Variants in RNF168 observed in about 807,000 individuals in gnomAD.
RNF168 encodes the protein ring finger protein 168, also known as E3 ubiquitin-protein ligase RNF168.
A neutral mutation model predicts 34.9 loss-of-function variants in RNF168; 34 were observed. The observed-to-expected ratio is 0.97, with a 90% CI of 0.74 to 1.30. The LOEUF is 1.30. Ranked by LOEUF, RNF168 falls within the 50% of genes most tolerant of loss-of-function variation. The pLI, the probability that RNF168 is intolerant of heterozygous loss-of-function variation, is 0.00. For synonymous variants in RNF168, 264 were observed against 254.7 expected (o/e 1.04, Z -0.35); for missense variants, 725 against 682.5 (o/e 1.06, Z -0.69).
Position 196,471,008 on chromosome 3 carries a change from T to C in RNF168, c.*811A>G, listed in dbSNP as rs1731985463. On this transcript the variant is annotated 3_prime_UTR_variant, in exon 6 of 6. Coordinates refer to ENST00000318037, the MANE Select transcript of RNF168 (RefSeq NM_152617.4). ...GCCTGGCCAACATGGTGAAATCCCA[T>C]CTCTACTAAAAGTACAAAAAAAAAA... 1 of 138,620 alleles carries C rather than the reference T, an allele frequency of 7.2e-6. No individual in the cohort carries two copies. Among genetic ancestry groups the C allele is most frequent in the South Asian group, 2.4e-4 (1 of 4,244 alleles). The allele number at this position is 138,620 out of a possible 1,614,324, so 8.6% of individuals were successfully genotyped here. A position where few individuals can be genotyped will look rare whatever the true frequency, so the allele number is the denominator to read the frequency against.
intron 1 of RNF168, among the ~76,000 whole-genome samples, chr3:196,490,720 G>T (rs1732571714): frequency 6.6e-6 from 1 of 152,168 alleles, no homozygotes; most frequent in African/African-American, 2.4e-5. Context: ...ATGGCCTGCA[G>T]GCCAGCAGTT....
rs1446126468 is a variant in RNF168 at position 196,471,664 on chromosome 3, T to C, written c.*155A>G. 8.9e-6 allele frequency: 6 copies of C among 675,286 alleles called. No individual in the cohort carries two copies. In the Admixed American group the frequency reaches 1.3e-4, roughly 15 times the overall value. 41.8% of individuals were successfully genotyped at this position (675,286 alleles called of 1,614,324 possible). A position where few individuals can be genotyped will look rare whatever the true frequency, so the allele number is the denominator to read the frequency against. ...CCGCTGAGCTGTGCAGAAGCTCATG[T>C]GTCTATGCAGTCCTTACAATCACAC... On this transcript the variant is annotated 3_prime_UTR_variant, in exon 6 of 6. Coordinates refer to ENST00000318037, the MANE Select transcript of RNF168 (RefSeq NM_152617.4).
intron 1 of RNF168, among the ~76,000 whole-genome samples, chr3:196,495,231 T>C (rs1402191755): frequency 1.3e-5 from 2 of 152,124 alleles, no homozygotes; most frequent in African/African-American, 4.8e-5. Flanking sequence ...ATCATAACCC[T>C]TCACCAAATC....
chr3:196,487,446 G>T lies in RNF168; in HGVS notation c.511C>A (p.Gln171Lys). The change falls in exon 3 of 6, where the codon CAA becomes AAA. Residue 171 changes from glutamine to lysine, a missense_variant. Gln to Lys is a moderately conservative substitution (Grantham distance 53). Transcript: ENST00000318037. Reference sequence around the variant, plus strand: ...GCCAGTTCCTCATCACTTTTCAGTTGTTCTTCCATCGCTCTTCGCCTTTTT... The same window carrying T: ...GCCAGTTCCTCATCACTTTTCAGTTTTTCTTCCATCGCTCTTCGCCTTTTT... ...AEKRRRAMEE[Q>K]LKSDEELARK... The T allele has an allele frequency of 6.2e-7, 1 of 1,614,156 alleles. No individual in the cohort carries two copies.
intron 1 of RNF168, among the ~76,000 whole-genome samples, chr3:196,491,055 C>A (rs1732582991): frequency 6.6e-6 from 1 of 152,210 alleles, no homozygotes; most frequent in Admixed American, 6.5e-5. Flanking sequence ...TGGCTCACGC[C>A]TGTAATCCCA....
At chr3:196,487,375 T>C (rs1217038249) in intron 3 of RNF168, 24 bp downstream of exon 3, 3 of 1,600,024 alleles carry the variant, frequency 1.9e-6, no homozygotes, top group Non-Finnish European at 2.6e-6. Context: ...TGACCATACC[T>C]TAGCGTTCCC....
intron 1 of RNF168, among the ~76,000 whole-genome samples, chr3:196,502,285 G>A (rs1432721783): frequency 6.6e-6 from 1 of 151,942 alleles, no homozygotes; most frequent in Non-Finnish European, 1.5e-5. Context: ...GAATGGAGAT[G>A]TATAGATAAG....
At chr3:196,483,005 T>C (rs1332181395) in intron 4 of RNF168, among the ~76,000 whole-genome samples, 1 of 152,172 alleles carries the variant, frequency 6.6e-6, no homozygotes, top group East Asian at 1.9e-4. Context: ...TTAAACAGCA[T>C]ATTGTATCAA....
rs533409778 is a variant in RNF168, at chr3:196,472,061, T to C, written c.1474A>G (p.Lys492Glu). Residue 492 changes from lysine (K) to glutamate (E), a missense_variant, in exon 6 of 6, where the codon AAG becomes GAG. Coordinates refer to ENST00000318037, the MANE Select transcript of RNF168 (RefSeq NM_152617.4). ...TTGAAGTTCCCATCTTTGGGATTCTTCCTCTGTCCATTTAGCACTTTGTCT... is the reference window on the plus strand; with the variant it reads ...TTGAAGTTCCCATCTTTGGGATTCTCCCTCTGTCCATTTAGCACTTTGTCT... ...PPDKVLNGQR[K>E]NPKDGNFKRQ... is the part of the protein sequence containing the mutation. 1.2e-6 allele frequency: 2 copies of C among 1,613,808 alleles called. No homozygotes were observed. The highest frequency in any genetic ancestry group is 2.2e-5 in the South Asian group (2 of 91,034).
At chr3:196,500,760 G>A (rs547997995) in intron 1 of RNF168, among the ~76,000 whole-genome samples, 37 of 151,864 alleles carry the variant, frequency 2.4e-4, no homozygotes, top group Non-Finnish European at 4.3e-4. Flanking sequence ...CTCCCAGGCT[G>A]GAGTGCGGTG....
intron 4 of RNF168, among the ~76,000 whole-genome samples, chr3:196,479,216 T>C (rs1732227488): frequency 7.2e-6 from 1 of 138,002 alleles, no homozygotes. Flanking sequence ...TTTCGCCATG[T>C]TGGCCAGGCT....
chr3:196,488,191 C>G (rs1290753075), intron 2 of RNF168, among the ~76,000 whole-genome samples: 1 of 151,980 alleles, frequency 6.6e-6, no homozygotes, highest in Non-Finnish European at 1.5e-5. Context: ...TTAAAATTAT[C>G]CATATTTTGG....
At chr3:196,484,386 G>T (rs895178665) in intron 3 of RNF168, among the ~76,000 whole-genome samples, 2 of 150,984 alleles carry the variant, frequency 1.3e-5, no homozygotes, top group African/African-American at 4.9e-5. Flanking sequence ...GTGTTAGCCA[G>T]GATGGTCTCG....
chr3:196,490,213 G>A (rs1419637181), intron 1 of RNF168, among the ~76,000 whole-genome samples: 1 of 152,202 alleles, frequency 6.6e-6, no homozygotes, highest in African/African-American at 2.4e-5. Context: ...CCCTGGAGTT[G>A]AAAGATAATT....
intron 5 of RNF168, 93 bp downstream of exon 5, chr3:196,475,138 G>T: frequency 1.3e-6 from 1 of 776,652 alleles, no homozygotes. Context: ...TTAACTATAG[G>T]GGCTTTTGTT....
intron 3 of RNF168, among the ~76,000 whole-genome samples, chr3:196,484,249 C>T (rs1419860478): frequency 1.4e-5 from 2 of 148,014 alleles, no homozygotes; most frequent in Non-Finnish European, 3.0e-5. Flanking sequence ...CGGCTCACTG[C>T]AAGCTCCACC....
rs1731995826 is a variant in RNF168 at position 196,471,229 on chromosome 3, A to AAAAT, written c.*589_*590insATTT. The AAAAT allele has an allele frequency of 7.0e-6, 1 of 142,268 alleles. No homozygotes were observed. The highest frequency in any genetic ancestry group is 7.0e-5 in the Admixed American group (1 of 14,290). The allele number at this position is 142,268 out of a possible 1,614,324, so 8.8% of individuals were successfully genotyped here. A position where few individuals can be genotyped will look rare whatever the true frequency, so the allele number is the denominator to read the frequency against. ...AAAAAAAAAAAAAAAAAAAAAAAAA[A>AAAAT]TCTGGGATTTCCCACATATGAATAT... On this transcript the variant is annotated 3_prime_UTR_variant, in exon 6 of 6. Coordinates refer to ENST00000318037, the MANE Select transcript of RNF168 (RefSeq NM_152617.4).
At position 196,469,222 on chromosome 3, in the gene RNF168, GAGA is replaced by G. The variant is rs1358227603; in HGVS notation, c.*2594_*2596del. 1.3e-5 allele frequency: 2 copies of G among 152,170 alleles called. No individual in the cohort carries two copies. Among genetic ancestry groups the G allele is most frequent in the Admixed American group, 6.6e-5 (1 of 15,262 alleles). The allele number at this position is 152,170 out of a possible 1,614,324, so 9.4% of individuals were successfully genotyped here. A position where few individuals can be genotyped will look rare whatever the true frequency, so the allele number is the denominator to read the frequency against. On this transcript the variant is annotated 3_prime_UTR_variant, in exon 6 of 6. Transcript: ENST00000318037. The stretch of plus-strand genomic sequence containing the variant: ...GCTCTTAGAGAAAAATTGGTTTGAT[GAGA>G]AGATTGATCTTAGCCTGTCTCAGAC...
chr3:196,478,904 G>A (rs1011472175), intron 4 of RNF168, among the ~76,000 whole-genome samples: 4 of 151,100 alleles, frequency 2.6e-5, no homozygotes, highest in Non-Finnish European at 5.9e-5. Context: ...TTTTGGTAGA[G>A]ACAGGACAGC....
Sources: allele counts gnomAD v4.1 joint callset (sites outside exome capture counted in the v4.1 genomes callset), GRCh38; gene constraint gnomAD v4.1.1; transcripts MANE v1.5; gene names NCBI Gene and HGNC (gene_info 2026-07-23, HGNC 2026-07-21).